WNT2B: variants seen among roughly 807,000 people sequenced by gnomAD.
The protein encoded by WNT2B is protein Wnt-2b.
A neutral mutation model predicts 40.5 loss-of-function variants in WNT2B; 19 were observed. That is an observed-to-expected ratio of 0.47 (90% CI 0.33 to 0.69). The LOEUF (loss-of-function observed/expected upper bound fraction) is 0.69. Among genes scored for constraint, WNT2B ranks in the 30% least tolerant of loss-of-function variants. WNT2B has a pLI of 0.02. For synonymous variants in WNT2B, 220 were observed against 211.9 expected (o/e 1.04, Z -0.33); for missense variants, 467 against 556.4 (o/e 0.84, Z 1.62).
chr1:112,517,300 C>G lies in WNT2B; in HGVS notation c.861C>G (p.Ala287=). 1 of 1,614,234 alleles carries G rather than the reference C, an allele frequency of 6.2e-7. No individual in the cohort carries two copies. Among genetic ancestry groups the G allele is most frequent in the Non-Finnish European group, 8.5e-7 (1 of 1,180,028 alleles). Residue 287 remains alanine (A), a synonymous_variant, in exon 4 of 5, where the codon GCC becomes GCG. Transcript: ENST00000369684. ...ATQDGANFTA[A]RQGYRRATRT... ...AAGATGGTGCCAACTTCACCGCAGC[C>G]CGCCAAGGCTATCGCCGTGCCACCC...
At chr1:112,516,486 T>C in intron 3 of WNT2B, 69 bp downstream of exon 3, 1 of 1,534,232 alleles carries the variant, frequency 6.5e-7, no homozygotes, top group Non-Finnish European at 8.8e-7. Context: ...GACCATGGAC[T>C]AAATAAATGT....
intron 1 of WNT2B, among the ~76,000 whole-genome samples, chr1:112,485,492 G>T (rs1317033068): frequency 2.0e-5 from 3 of 149,562 alleles, no homozygotes; most frequent in Non-Finnish European, 4.4e-5. Context: ...TGGTCATGAA[G>T]ACTACGTTTT....
intron 1 of WNT2B, among the ~76,000 whole-genome samples, chr1:112,483,534 C>T (rs1023070132): frequency 6.6e-6 from 1 of 151,036 alleles, no homozygotes; most frequent in Admixed American, 6.6e-5. Context: ...TAGAAGAAAA[C>T]ATAGGGGAAC....
At chr1:112,477,258 A>T (rs1034221094) in intron 1 of WNT2B, among the ~76,000 whole-genome samples, 2 of 152,194 alleles carry the variant, frequency 1.3e-5, no homozygotes, top group Admixed American at 1.3e-4. Flanking sequence ...TGCTGATCTC[A>T]GCTGATGGAG....
chr1:112,481,238 TA>T (rs1172992186), intron 1 of WNT2B, among the ~76,000 whole-genome samples: 1 of 152,170 alleles, frequency 6.6e-6, no homozygotes, highest in East Asian at 1.9e-4. Flanking sequence ...TTTGTTTTAT[TA>T]TCCCTGGAAT....
At chr1:112,487,398 C>A (rs1220265691) in intron 1 of WNT2B, among the ~76,000 whole-genome samples, 4 of 152,012 alleles carry the variant, frequency 2.6e-5, no homozygotes, top group African/African-American at 9.7e-5. Flanking sequence ...CCTAATAAAC[C>A]TATCATAAAT....
chr1:112,504,459 G>C (rs1038730590), upstream of WNT2B, among the ~76,000 whole-genome samples: 2 of 152,038 alleles, frequency 1.3e-5, no homozygotes, highest in African/African-American at 4.8e-5. Flanking sequence ...CTTTTGGTCT[G>C]GCCTCTTTGA....
rs746707415 is a variant in WNT2B, at chr1:112,526,130, T to C, written c.*5621T>C. 6.2e-6 allele frequency: 10 copies of C among 1,613,818 alleles called. No individual in the cohort carries two copies. In the African/African-American group the frequency reaches 6.7e-5, roughly 11 times the overall value. ...CCAGCACCTTCAAAACAGAAATTGA[T>C]ACAAAATGTTCAAGCCCTGTAGGAG... is the stretch of plus-strand genomic sequence containing the variant. On this transcript the variant is annotated 3_prime_UTR_variant, in exon 5 of 5. Coordinates refer to ENST00000369684, the MANE Select transcript of WNT2B (RefSeq NM_024494.3).
chr1:112,491,656 C>T lies in WNT2B; in HGVS notation c.-94-23218C>T, dbSNP rs551387196. 2.4e-3 allele frequency among the ~76,000 whole-genome samples: 363 copies of T among 152,178 alleles called. 1 individual carries two copies. The highest frequency in any genetic ancestry group is 8.1e-3 in the African/African-American group (335 of 41,514). The stretch of plus-strand genomic sequence containing the variant: ...ATCCCAGCACTTTGGGAGGCCAAGG[C>T]GGGCAGATTACTTGAGCTCAGGGGT... On this transcript the variant is annotated intron_variant, in intron 1 of 4. Coordinates refer to the WNT2B transcript ENST00000256640.
rs1652600397 is a variant in WNT2B, at chr1:112,517,242, G to A, written c.803G>A (p.Arg268His). 1 of 1,614,168 alleles carries A rather than the reference G, an allele frequency of 6.2e-7. No homozygotes were observed. Among genetic ancestry groups the A allele is most frequent in the Non-Finnish European group, 8.5e-7 (1 of 1,180,036 alleles). The change falls in exon 4 of 5, where the codon CGC becomes CAC. Residue 268 changes from arginine (R) to histidine (H), a missense_variant. Physicochemically the swap from Arg to His is conservative, Grantham distance 29. Transcript: ENST00000369684. ...FRRTGDYLRR[R>H]YDGAVQVMAT... ...CGCACAGGTGATTACCTGCGGCGAC[G>A]CTATGATGGGGCTGTGCAGGTGATG...
Position 112,509,289 on chromosome 1 carries a change from A to C in WNT2B, c.27A>C (p.Glu9Asp), listed in dbSNP as rs1652250615. 6.5e-7 allele frequency: 1 copy of C among 1,543,884 alleles called. No individual in the cohort carries two copies. The highest frequency in any genetic ancestry group is 2.4e-5 in the East Asian group (1 of 40,874). MLRPGGAEEAAQLPLRRAS... is the reference protein window; with the variant it reads MLRPGGAEDAAQLPLRRAS... ...TGCTGAGACCGGGTGGTGCGGAGGA[A>C]GCTGCGCAGCTCCCGCTTCGGCGCG... The change falls in exon 1 of 5, where the codon GAA becomes GAC. Residue 9 changes from glutamate (E) to aspartate (D), a missense_variant. Glu to Asp is a conservative substitution (Grantham distance 45). Transcript: ENST00000369684. This position sits in a 1 kb window ranked among gnomAD's most constrained non-coding sequence, Gnocchi z 4.2.
chr1:112,470,160 G>A (rs868089974), intron 1 of WNT2B, among the ~76,000 whole-genome samples: 4 of 152,124 alleles, frequency 2.6e-5, no homozygotes, highest in Admixed American at 1.3e-4. Context: ...TTGTAGGACA[G>A]GTCTGGTGTT....
intron 1 of WNT2B, among the ~76,000 whole-genome samples, chr1:112,496,700 A>C (rs1214802668): frequency 1.3e-5 from 2 of 151,806 alleles, no homozygotes; most frequent in African/African-American, 4.8e-5. Context: ...TCCCGGGTTC[A>C]AGTGATTCTC....
upstream of WNT2B, chr1:112,508,930 C>G (rs1365234121): frequency 2.6e-6 from 3 of 1,156,616 alleles, no homozygotes; most frequent in Non-Finnish European, 3.2e-6. This position sits in a 1 kb window ranked among gnomAD's most constrained non-coding sequence, Gnocchi z 4.2. Flanking sequence ...CGCCCCGTCC[C>G]GTCCAATGAG....
chr1:112,472,815 T>C (rs965087990), intron 1 of WNT2B, among the ~76,000 whole-genome samples: 10 of 151,948 alleles, frequency 6.6e-5, no homozygotes, highest in South Asian at 2.1e-4. Flanking sequence ...ATACAAAATT[T>C]AGCTGGGTGT....
intron 1 of WNT2B, among the ~76,000 whole-genome samples, chr1:112,510,239 G>T (rs185969814): frequency 6.6e-6 from 1 of 152,022 alleles, no homozygotes; most frequent in African/African-American, 2.4e-5. Flanking sequence ...TGGATGTCTC[G>T]TGTCTGTTCT....
intron 1 of WNT2B, among the ~76,000 whole-genome samples, chr1:112,492,895 A>G (rs1363178626): frequency 6.6e-6 from 1 of 152,248 alleles, no homozygotes; most frequent in Non-Finnish European, 1.5e-5. Flanking sequence ...ATAGAACTAT[A>G]GAATGCTTCC....
chr1:112,506,676 C>T (rs1652116300), upstream of WNT2B, among the ~76,000 whole-genome samples: 1 of 152,210 alleles, frequency 6.6e-6, no homozygotes, highest in Non-Finnish European at 1.5e-5. Flanking sequence ...GGGCTCATTC[C>T]TCTCCCACCT....
rs1341922136 is a variant in WNT2B, at chr1:112,523,130, A to G, written c.*2621A>G. ...GGCATATGCCTTCCATAGGACGTCAACCTGACTTAAATCTACCTATACCCT... is the reference window on the plus strand; with the variant it reads ...GGCATATGCCTTCCATAGGACGTCAGCCTGACTTAAATCTACCTATACCCT... On this transcript the variant is annotated 3_prime_UTR_variant, in exon 5 of 5. Transcript: ENST00000369684. The G allele has an allele frequency of 1.3e-5, 2 of 152,232 alleles. No homozygotes were observed. Among genetic ancestry groups the G allele is most frequent in the Non-Finnish European group, 2.9e-5 (2 of 68,036 alleles). The allele number at this position is 152,232 out of a possible 1,614,324, so 9.4% of individuals were successfully genotyped here. A position where few individuals can be genotyped will look rare whatever the true frequency, so the allele number is the denominator to read the frequency against.
Sources: gnomAD v4.1 joint callset for allele counts (sites outside exome capture counted in the v4.1 genomes callset) on GRCh38, gnomAD v4.1.1 for gene constraint, Gnocchi (gnomAD v3.1) non-coding constraint, MANE v1.5 for transcripts, NCBI Gene and HGNC (gene_info 2026-07-23, HGNC 2026-07-21) for gene names.